TSHR: variants seen among roughly 807,000 people sequenced by gnomAD.
TSHR encodes the protein thyroid stimulating hormone receptor.
Under a neutral mutation model 64.1 loss-of-function variants are expected in TSHR, and 51 were observed. The observed-to-expected ratio is 0.80, with a 90% CI of 0.64 to 1.01. The LOEUF (loss-of-function observed/expected upper bound fraction) is 1.01, where lower values mean the gene tolerates loss of function less well. TSHR is among the 50% of genes least tolerant of loss of function. TSHR has a pLI of 0.00. For missense variants in TSHR, 877 were observed against 942.8 expected, an observed-to-expected ratio of 0.93 and a Z score of 0.91; for synonymous variants, 361 against 361.9, an observed-to-expected ratio of 1.00 and a Z score of 0.03.
At chr14:80,964,501 A>G (rs2284716) in intron 1 of TSHR, among the ~76,000 whole-genome samples, 27,128 of 152,142 alleles carry the variant, frequency 0.18, 2,726 homozygotes, top group East Asian at 0.43. Flanking sequence ...GATCTATTTG[A>G]TTATTTCAGT....
chr14:81,058,308 C>T (rs971778292), intron 1 of TSHR, among the ~76,000 whole-genome samples: 30 of 152,204 alleles, frequency 2.0e-4, no homozygotes, highest in Admixed American at 3.3e-4. Context: ...ATTTGTCATA[C>T]CTCCAATGGT....
chr14:81,072,325 TA>T (rs35319422), intron 3 of TSHR, among the ~76,000 whole-genome samples: 2 of 152,122 alleles, frequency 1.3e-5, no homozygotes, highest in African/African-American at 4.8e-5. Flanking sequence ...AGTAGCTTTT[TA>T]AAAAAAGTAT....
chr14:81,136,541 G>C (rs537484774), intron 8 of TSHR, among the ~76,000 whole-genome samples: 5 of 152,164 alleles, frequency 3.3e-5, no homozygotes, highest in Non-Finnish European at 5.9e-5. Context: ...GTTTTGAAAG[G>C]CCCTATTAAG....
chr14:80,992,775 A>G (rs751803353), intron 1 of TSHR: 12 of 152,234 alleles, frequency 7.9e-5, no homozygotes, highest in Non-Finnish European at 1.6e-4. Context: ...CAATTATTGG[A>G]TTGTAAAGTC....
chr14:81,116,622 C>T (rs1373869150), intron 8 of TSHR, among the ~76,000 whole-genome samples: 6 of 145,678 alleles, frequency 4.1e-5, no homozygotes, highest in South Asian at 4.7e-4. Flanking sequence ...GACAGATCAA[C>T]GAGACAGAAA....
At chr14:81,119,828 G>A (rs12895445) in intron 8 of TSHR, among the ~76,000 whole-genome samples, 60,455 of 60,458 alleles carry the variant, frequency 1, 30,226 homozygotes, top group Middle Eastern at 1. Flanking sequence ...GTACATATAC[G>A]CCATGGAATT....
chr14:80,997,852 C>T (rs1477392126), intron 1 of TSHR, among the ~76,000 whole-genome samples: 1 of 152,164 alleles, frequency 6.6e-6, no homozygotes, highest in Non-Finnish European at 1.5e-5. Flanking sequence ...AGGTAGCTGT[C>T]GCCTGAAAAG....
At chr14:80,985,048 A>G (rs1888368764) in intron 1 of TSHR, among the ~76,000 whole-genome samples, 1 of 152,184 alleles carries the variant, frequency 6.6e-6, no homozygotes, top group South Asian at 2.1e-4. Context: ...CAGGAGATCG[A>G]GACCATCCTG....
chr14:80,964,279 G>A (rs1256609789), intron 1 of TSHR, among the ~76,000 whole-genome samples: 1 of 152,186 alleles, frequency 6.6e-6, no homozygotes, highest in Non-Finnish European at 1.5e-5. Context: ...CATAGATCCA[G>A]AATGTCCAGT....
chr14:80,978,789 CTGTT>C (rs1231466582), intron 1 of TSHR, among the ~76,000 whole-genome samples: 1 of 152,176 alleles, frequency 6.6e-6, no homozygotes, highest in African/African-American at 2.4e-5. Flanking sequence ...TTCATCTTCT[CTGTT>C]TGCACATCTG....
intron 1 of TSHR, among the ~76,000 whole-genome samples, chr14:81,004,336 A>G (rs186271272): frequency 3.9e-5 from 6 of 152,340 alleles, no homozygotes; most frequent in Admixed American, 3.9e-4. Flanking sequence ...TGTTCTACTC[A>G]GTTATCAAGA....
chr14:81,070,835 C>T (rs897160548), intron 3 of TSHR, among the ~76,000 whole-genome samples: 1 of 151,740 alleles, frequency 6.6e-6, no homozygotes, highest in African/African-American at 2.4e-5. Flanking sequence ...TTCAAGCAAA[C>T]AAAAATTGAG....
intron 3 of TSHR, among the ~76,000 whole-genome samples, chr14:81,069,410 T>C (rs966124464): frequency 1.3e-5 from 2 of 152,160 alleles, no homozygotes; most frequent in African/African-American, 2.4e-5. Flanking sequence ...GATCAACTAT[T>C]GGTCTGAGAA....
intron 1 of TSHR, chr14:80,995,770 C>A (rs1176208042): frequency 2.0e-5 from 3 of 151,364 alleles, no homozygotes; most frequent in Non-Finnish European, 4.4e-5. Context: ...GTACAACAAA[C>A]TCCCATGACA....
At chr14:81,019,267 G>C (rs751837265) in intron 1 of TSHR, among the ~76,000 whole-genome samples, 1 of 151,496 alleles carries the variant, frequency 6.6e-6, no homozygotes, top group Non-Finnish European at 1.5e-5. Context: ...CCAGGAGGCA[G>C]AGGTTGCAGT....
chr14:81,021,001 A>G (rs368336697), intron 1 of TSHR, among the ~76,000 whole-genome samples: 91 of 152,028 alleles, frequency 6.0e-4, no homozygotes, highest in African/African-American at 1.5e-3. Context: ...TCACCCACAG[A>G]TGGGACCATC....
intron 8 of TSHR, 24 bp downstream of exon 8, chr14:81,108,476 A>G: frequency 9.8e-7 from 1 of 1,023,998 alleles, no homozygotes; most frequent in Non-Finnish European, 1.4e-6. Context: ...ACAAAAGAAT[A>G]TTTTAGTCTT....
At chr14:81,068,917 A>G (rs191513777) in intron 3 of TSHR, among the ~76,000 whole-genome samples, 31 of 152,296 alleles carry the variant, frequency 2.0e-4, no homozygotes, top group Middle Eastern at 3.4e-3. Context: ...AATATCTAGC[A>G]CCTGAAAACC....
At chr14:81,067,231 C>T (rs962643896) in intron 2 of TSHR, among the ~76,000 whole-genome samples, 6 of 152,042 alleles carry the variant, frequency 3.9e-5, no homozygotes, top group South Asian at 2.1e-4. Flanking sequence ...ATTAAAAATG[C>T]TTCTTATTGA....
Sources: allele counts gnomAD v4.1 joint callset (sites outside exome capture counted in the v4.1 genomes callset), GRCh38; gene constraint gnomAD v4.1.1; transcripts MANE v1.5; gene names NCBI Gene and HGNC (gene_info 2026-07-23, HGNC 2026-07-21).